The following LRMDA variants were observed in gnomAD, a reference collection of about 807,000 sequenced individuals.
LRMDA encodes the protein leucine rich melanocyte differentiation associated, also known as leucine-rich melanocyte differentiation-associated protein.
A neutral mutation model predicts 29.8 loss-of-function variants in LRMDA; 18 were observed. The observed-to-expected ratio is 0.60, with a 90% CI of 0.42 to 0.90. The LOEUF (loss-of-function observed/expected upper bound fraction) is 0.90. LRMDA is among the 40% of genes least tolerant of loss of function. LRMDA has a pLI of 0.00. For missense variants in LRMDA, 273 were observed against 273.9 expected (o/e 1.00, Z 0.02); for synonymous variants, 125 against 109.4 (o/e 1.14, Z -0.89).
chr10:75,522,989 C>T (rs1277557894), intron 2 of LRMDA, among the ~76,000 whole-genome samples: 1 of 152,204 alleles, frequency 6.6e-6, no homozygotes, highest in Non-Finnish European at 1.5e-5. Flanking sequence ...GCTCAGCAAT[C>T]AGATGACCTG....
chr10:75,795,288 G>C (rs1161677952), intron 2 of LRMDA, among the ~76,000 whole-genome samples: 1 of 152,168 alleles, frequency 6.6e-6, no homozygotes, highest in African/African-American at 2.4e-5. Flanking sequence ...CAGTTATGCA[G>C]AAGGCTGAGG....
At chr10:76,247,637 G>A (rs1000174960) in intron 5 of LRMDA, among the ~76,000 whole-genome samples, 3 of 152,008 alleles carry the variant, frequency 2.0e-5, no homozygotes, top group Admixed American at 1.3e-4. Context: ...CCTGCCTCCC[G>A]CAACCCAACC....
chr10:76,397,798 G>A (rs1841803913), intron 6 of LRMDA, among the ~76,000 whole-genome samples: 1 of 152,026 alleles, frequency 6.6e-6, no homozygotes, highest in Admixed American at 6.5e-5. Flanking sequence ...GTTCACAAGG[G>A]GCATAGGGAA....
rs140488689 is a variant in LRMDA at position 76,528,565 on chromosome 10, C to T, written c.602-28644C>T. 1.7e-3 allele frequency among the ~76,000 whole-genome samples: 263 copies of T among 151,928 alleles called. 1 individual carries two copies. Among genetic ancestry groups the T allele is most frequent in the African/African-American group, 6.0e-3 (249 of 41,444 alleles). On this transcript the variant is annotated intron_variant, in intron 6 of 6. Transcript: ENST00000611255. ...TGAACATTTAAATATAATAAGAAAA[C>T]AATTAAAATAACTCCCCAAACAACA...
chr10:76,442,071 C>A (rs1842309226), intron 6 of LRMDA, among the ~76,000 whole-genome samples: 1 of 152,144 alleles, frequency 6.6e-6, no homozygotes, highest in African/African-American at 2.4e-5. Context: ...AATTTAATTG[C>A]TCTGATGAAA....
intron 3 of LRMDA, among the ~76,000 whole-genome samples, chr10:76,039,627 A>G (rs754601319): frequency 2.0e-5 from 3 of 152,210 alleles, no homozygotes; most frequent in Admixed American, 1.3e-4. Flanking sequence ...ATTATCACAT[A>G]GTGGTTAAGA....
At chr10:76,090,111 G>A (rs992688290) in intron 5 of LRMDA, among the ~76,000 whole-genome samples, 2 of 152,198 alleles carry the variant, frequency 1.3e-5, no homozygotes, top group African/African-American at 2.4e-5. Flanking sequence ...GGAAAGTGGA[G>A]TGTGGGCTAC....
intron 2 of LRMDA, among the ~76,000 whole-genome samples, chr10:75,616,938 G>C (rs1841110854): frequency 6.6e-6 from 1 of 152,172 alleles, no homozygotes; most frequent in Admixed American, 6.5e-5. Flanking sequence ...AATAGAAAAT[G>C]TATTTACTAG....
At chr10:75,642,354 T>C (rs1197752590) in intron 2 of LRMDA, 1 of 152,194 alleles carries the variant, frequency 6.6e-6, no homozygotes, top group African/African-American at 2.4e-5. Flanking sequence ...TGGGGGATTG[T>C]TGATACTCTC....
chr10:75,620,670 A>G (rs1841169098), intron 2 of LRMDA, among the ~76,000 whole-genome samples: 1 of 152,154 alleles, frequency 6.6e-6, no homozygotes, highest in Admixed American at 6.5e-5. Context: ...TTGCTTTTCA[A>G]GACCTGGTTC....
At chr10:75,530,138 TA>T (rs980680425) in intron 2 of LRMDA, among the ~76,000 whole-genome samples, 3 of 151,510 alleles carry the variant, frequency 2.0e-5, no homozygotes, top group Non-Finnish European at 2.9e-5. Context: ...TAAAACTTTG[TA>T]AAAAAAATAA....
chr10:76,433,435 G>A (rs935320707), intron 6 of LRMDA, among the ~76,000 whole-genome samples: 2 of 152,190 alleles, frequency 1.3e-5, no homozygotes, highest in African/African-American at 4.8e-5. Context: ...CAGCTAATAA[G>A]TGTTGTTAGT....
chr10:76,515,096 A>G (rs1329383117), intron 6 of LRMDA, among the ~76,000 whole-genome samples: 3 of 152,144 alleles, frequency 2.0e-5, no homozygotes, highest in Non-Finnish European at 1.5e-5. Flanking sequence ...CCTACTAAAC[A>G]TGCCTTTCAG....
At chr10:76,269,381 A>C (rs1840041129) in intron 5 of LRMDA, among the ~76,000 whole-genome samples, 1 of 152,152 alleles carries the variant, frequency 6.6e-6, no homozygotes, top group Admixed American at 6.5e-5. Context: ...GCTTTCTCCA[A>C]AATTATTTAT....
intron 2 of LRMDA, among the ~76,000 whole-genome samples, chr10:75,674,344 A>C (rs1841935701): frequency 6.6e-6 from 1 of 152,148 alleles, no homozygotes; most frequent in South Asian, 2.1e-4. Context: ...TGCAGTTGTT[A>C]TTTATATATA....
intron 5 of LRMDA, among the ~76,000 whole-genome samples, chr10:76,240,807 CATATATATGTATATATATACACATACAT>C (rs1564697122): frequency 3.3e-4 from 6 of 18,224 alleles, no homozygotes; most frequent in Non-Finnish European, 6.1e-4. Flanking sequence ...GATAGATACA[CATATATATGTATATATATACACATACAT>C]ATATATGTGT....
At chr10:76,539,353 G>A (rs886968781) in intron 6 of LRMDA, among the ~76,000 whole-genome samples, 1 of 152,152 alleles carries the variant, frequency 6.6e-6, no homozygotes, top group African/African-American at 2.4e-5. Flanking sequence ...GATGATAATA[G>A]GAGTGATGTT....
At chr10:76,553,739 G>A (rs1843522496) in intron 6 of LRMDA, among the ~76,000 whole-genome samples, 2 of 152,122 alleles carry the variant, frequency 1.3e-5, no homozygotes, top group African/African-American at 4.8e-5. Context: ...TGAGCTCTGG[G>A]AGGAGACTCA....
chr10:75,709,579 T>G (rs1354739277), intron 2 of LRMDA, among the ~76,000 whole-genome samples: 1 of 152,132 alleles, frequency 6.6e-6, no homozygotes, highest in Non-Finnish European at 1.5e-5. Flanking sequence ...CATATTCCAG[T>G]CAAGGTCAAT....
Sources: gnomAD v4.1 joint callset for allele counts (sites outside exome capture counted in the v4.1 genomes callset) on GRCh38, gnomAD v4.1.1 for gene constraint, MANE v1.5 for transcripts, NCBI Gene and HGNC (gene_info 2026-07-23, HGNC 2026-07-21) for gene names.